Variants in FAM120B observed in about 807,000 individuals in gnomAD.
FAM120B encodes the protein family with sequence similarity 120 member B, also known as constitutive coactivator of peroxisome proliferator-activated receptor gamma.
Under a neutral mutation model 96.3 loss-of-function variants are expected in FAM120B, and 83 were observed. The observed-to-expected ratio is 0.86, with a 90% confidence interval of 0.72 to 1.03. FAM120B has a LOEUF of 1.03. Among genes scored for constraint, FAM120B ranks in the 50% least tolerant of loss-of-function variants. The pLI, the probability that FAM120B is intolerant of heterozygous loss-of-function variation, is 0.00. For missense variants in FAM120B, 1,027 were observed against 1,121.2 expected, an observed-to-expected ratio of 0.92 and a Z score of 1.20; for synonymous variants, 407 against 402.7, an observed-to-expected ratio of 1.01 and a Z score of -0.13.
chr6:170,362,120 A>G (rs1788497914), intron 6 of FAM120B, among the ~76,000 whole-genome samples: 1 of 152,244 alleles, frequency 6.6e-6, no homozygotes, highest in African/African-American at 2.4e-5. Flanking sequence ...ACAGAAGTAA[A>G]GTAAATTAAG....
intron 6 of FAM120B, among the ~76,000 whole-genome samples, chr6:170,366,552 G>T (rs954092510): frequency 3.3e-5 from 5 of 152,182 alleles, no homozygotes; most frequent in Non-Finnish European, 7.3e-5. Context: ...ACCCGTCAGG[G>T]GCCCATGTCA....
At chr6:170,364,732 G>A (rs1174478672) in intron 6 of FAM120B, among the ~76,000 whole-genome samples, 1 of 152,106 alleles carries the variant, frequency 6.6e-6, no homozygotes, top group Non-Finnish European at 1.5e-5. Context: ...GATGCCTGGG[G>A]GCCCTTCAGA....
chr6:170,386,225 A>G (rs1562591244), intron 6 of FAM120B, among the ~76,000 whole-genome samples: 1 of 152,194 alleles, frequency 6.6e-6, no homozygotes, highest in Non-Finnish European at 1.5e-5. Flanking sequence ...GTATGTGGGA[A>G]ATCTCTGTAC....
rs540380603 is a variant in FAM120B at position 170,319,631 on chromosome 6, T to C, written c.1734+507T>C. ...TGCAGTGAGCTGAGATTCTCCAGCC[T>C]GGGCAATAAGAGCAAAACTGTCTCA... On this transcript the variant is annotated intron_variant, in intron 2 of 10. Transcript: ENST00000476287. 2.2e-3 allele frequency among the ~76,000 whole-genome samples: 330 copies of C among 152,208 alleles called. 1 individual carries two copies. Among genetic ancestry groups the C allele is most frequent in the Middle Eastern group, 0.017 (5 of 294 alleles).
intron 6 of FAM120B, among the ~76,000 whole-genome samples, chr6:170,382,198 A>G (rs1789945492): frequency 6.6e-6 from 1 of 152,186 alleles, no homozygotes; most frequent in African/African-American, 2.4e-5. Context: ...AATTAAGAGG[A>G]TTACCTAAAC....
intron 6 of FAM120B, among the ~76,000 whole-genome samples, chr6:170,379,019 G>GT (rs980298492): frequency 2.6e-5 from 4 of 152,314 alleles, no homozygotes; most frequent in Non-Finnish European, 5.9e-5. Flanking sequence ...TTGGTGAGGG[G>GT]TTTCTCTGGC....
At chr6:170,382,621 T>G (rs1789974386) in intron 6 of FAM120B, among the ~76,000 whole-genome samples, 1 of 151,566 alleles carries the variant, frequency 6.6e-6, no homozygotes, top group Non-Finnish European at 1.5e-5. Context: ...TGCTAAAAAT[T>G]GCAAAATACT....
At position 170,318,090 on chromosome 6, in the gene FAM120B, A is replaced by G. The variant is rs530410283; in HGVS notation, c.700A>G (p.Ile234Val). Residue 234 changes from isoleucine to valine, a missense_variant, in exon 2 of 11, where the codon ATC (isoleucine) becomes GTC (valine). Around this residue, in one of 3 missense-constraint regions of FAM120B, gnomAD observed 880 missense variants for 980.9 expected, o/e 0.90. Coordinates refer to ENST00000476287, the MANE Select transcript of FAM120B (RefSeq NM_032448.3). ...LLACLLGNDIIPEGMFESFRY... is the reference protein window; with the variant it reads ...LLACLLGNDIVPEGMFESFRY... ...GGCCTGCCTCCTTGGCAACGACATA[A>G]TCCCAGAGGGCATGTTTGAAAGCTT... is the stretch of plus-strand genomic sequence containing the variant. The G allele has an allele frequency of 1.9e-6, 3 of 1,614,220 alleles. No individual in the cohort carries two copies. Among genetic ancestry groups the G allele is most frequent in the South Asian group, 2.2e-5 (2 of 91,082 alleles).
chr6:170,340,650 G>A (rs1247539543), intron 4 of FAM120B, among the ~76,000 whole-genome samples: 2 of 152,058 alleles, frequency 1.3e-5, no homozygotes, highest in Non-Finnish European at 2.9e-5. Context: ...GATCTATAAG[G>A]CTGATGACCT....
At position 170,384,893 on chromosome 6, in the gene FAM120B, G is replaced by T. The variant is rs143056825; in HGVS notation, c.2284-3394G>T. On this transcript the variant is annotated intron_variant, in intron 6 of 10. Transcript: ENST00000476287. ...CTGGCCCCTGCAGAGGAAGTCTATG[G>T]AGCTTTAACAAAGCCTCTCTCAAGA... is the stretch of plus-strand genomic sequence containing the variant. Among the ~76,000 whole-genome samples the T allele has an allele frequency of 1.5e-3, 221 of 152,334 alleles. 2 individuals are homozygous for T. The highest frequency in any genetic ancestry group is 4.6e-3 in the East Asian group (24 of 5,190).
intron 6 of FAM120B, 114 bp downstream of exon 6, chr6:170,358,432 AG>A: frequency 1.3e-6 from 1 of 791,508 alleles, no homozygotes; most frequent in Non-Finnish European, 2.1e-6. Flanking sequence ...TATTTTAGTC[AG>A]GATCTTTTCG....
intron 3 of FAM120B, among the ~76,000 whole-genome samples, chr6:170,325,222 T>C (rs533913591): frequency 6.6e-5 from 10 of 152,328 alleles, no homozygotes; most frequent in African/African-American, 2.2e-4. Flanking sequence ...TTTGTTTTAT[T>C]GTAATATAGT....
intron 6 of FAM120B, among the ~76,000 whole-genome samples, chr6:170,382,634 TAAAAG>T (rs141104670): frequency 0.093 from 14,175 of 152,052 alleles, 846 homozygotes; most frequent in East Asian, 0.19. Context: ...AAAATACTGA[TAAAAG>T]AAATCAAAGC....
chr6:170,398,742 A>G (rs1778358379), intron 9 of FAM120B, among the ~76,000 whole-genome samples: 1 of 148,364 alleles, frequency 6.7e-6, no homozygotes, highest in Non-Finnish European at 1.5e-5. Flanking sequence ...CTTAGGAGTG[A>G]GTGAGAAAGG....
intron 9 of FAM120B, among the ~76,000 whole-genome samples, chr6:170,398,418 C>A (rs28571689): frequency 1.1e-3 from 142 of 133,078 alleles, no homozygotes; most frequent in Non-Finnish European, 1.9e-3. Context: ...TATGTCATAA[C>A]TCTTAGGAGT....
chr6:170,293,111 C>T (rs1414791904), upstream of FAM120B, among the ~76,000 whole-genome samples: 2 of 152,106 alleles, frequency 1.3e-5, no homozygotes, highest in African/African-American at 4.8e-5. Context: ...GTTGATGTTT[C>T]CTCCAAAAGC....
intron 4 of FAM120B, among the ~76,000 whole-genome samples, chr6:170,343,241 C>A (rs1029052765): frequency 6.6e-6 from 1 of 152,100 alleles, no homozygotes; most frequent in Non-Finnish European, 1.5e-5. Context: ...AACATTTTAC[C>A]GCATTTATGA....
At chr6:170,400,564 C>T (rs1205129871) in intron 9 of FAM120B, among the ~76,000 whole-genome samples, 1 of 152,142 alleles carries the variant, frequency 6.6e-6, no homozygotes, top group Non-Finnish European at 1.5e-5. Flanking sequence ...CTGGGCTGCT[C>T]CCTGGCTTCT....
chr6:170,333,353 A>G (rs1343458593), intron 4 of FAM120B, among the ~76,000 whole-genome samples: 2 of 152,270 alleles, frequency 1.3e-5, no homozygotes, highest in Admixed American at 6.5e-5. Flanking sequence ...CCAGAAGCCA[A>G]CCATGCTGGC....
Sources: allele counts gnomAD v4.1 joint callset (sites outside exome capture counted in the v4.1 genomes callset), GRCh38; gene constraint gnomAD v4.1.1; regional missense constraint gnomAD v4.1.1; transcripts MANE v1.5; gene names NCBI Gene and HGNC (gene_info 2026-07-23, HGNC 2026-07-21).